FAM184B: variants seen among roughly 807,000 people sequenced by gnomAD.
FAM184B encodes the protein family with sequence similarity 184 member B.
FAM184B carries 111 observed loss-of-function variants against 135.9 expected under a neutral mutation model. The observed-to-expected ratio is 0.82, with a 90% CI of 0.70 to 0.96. FAM184B has a LOEUF of 0.96. FAM184B is among the 40% of genes least tolerant of loss of function. FAM184B has a pLI of 0.00. For missense variants in FAM184B, 1,375 were observed against 1,323.9 expected (o/e 1.04, Z -0.60); for synonymous variants, 552 against 524.8 (o/e 1.05, Z -0.71).
At chr4:17,739,703 C>A (rs960226179) in intron 1 of FAM184B, among the ~76,000 whole-genome samples, 1 of 151,618 alleles carries the variant, frequency 6.6e-6, no homozygotes, top group Admixed American at 6.6e-5. Flanking sequence ...TACAGGCACC[C>A]GCCATGATGT....
intron 5 of FAM184B, among the ~76,000 whole-genome samples, chr4:17,703,820 A>G (rs1286593790): frequency 6.6e-6 from 1 of 151,758 alleles, no homozygotes; most frequent in Non-Finnish European, 1.5e-5. Flanking sequence ...GGTCCCAGCT[A>G]CTTGGGAGGC....
In FAM184B at chr4:17,635,021, G is replaced by T; in HGVS notation, c.2877C>A (p.Thr959=). The change falls in exon 16 of 18, where the codon ACC becomes ACA. Residue 959 remains threonine, a synonymous_variant. Coordinates refer to ENST00000265018, the MANE Select transcript of FAM184B (RefSeq NM_015688.2). ...AGAACCAATTTACCTTCATGGAAGG[G>T]GTCAAATATCCCGGGTGAGGATTGA... ...FSFNPHPGYL[T]PSMKKKKVED... is the part of the protein sequence containing the mutation. 1 of 1,551,326 alleles carries T rather than the reference G, an allele frequency of 6.4e-7. No individual in the cohort carries two copies. Among genetic ancestry groups the T allele is most frequent in the South Asian group, 1.2e-5 (1 of 84,040 alleles).
At position 17,639,358 on chromosome 4, in the gene FAM184B, T is replaced by C. The variant is rs189838036; in HGVS notation, c.2558A>G (p.Glu853Gly). 2.2e-4 allele frequency: 342 copies of C among 1,551,688 alleles called. No individual in the cohort carries two copies. The highest frequency in any genetic ancestry group is 1.8e-3 in the African/African-American group (134 of 73,144). Residue 853 changes from glutamate to glycine, a missense_variant, in exon 14 of 18, where the codon GAG becomes GGG. By Grantham distance (98) the Glu-to-Gly change is moderately conservative (BLOSUM62 -2). Coordinates refer to ENST00000265018, the MANE Select transcript of FAM184B (RefSeq NM_015688.2). ...EETQQAQRAREVETLRQEHRK... is the reference protein window; with the variant it reads ...EETQQAQRARGVETLRQEHRK... ...GTGTTCCTGGCGCAGTGTCTCCACC[T>C]CCCTGGCCCGCTGGGCTTGCTGAGT...
intron 1 of FAM184B, among the ~76,000 whole-genome samples, chr4:17,722,720 A>G (rs1277594049): frequency 6.6e-6 from 1 of 152,160 alleles, no homozygotes; most frequent in African/African-American, 2.4e-5. Context: ...GAGTCTCCCC[A>G]CTGCATAAGA....
chr4:17,647,606 G>T, intron 12 of FAM184B, 31 bp downstream of exon 12: 1 of 1,539,504 alleles, frequency 6.5e-7, no homozygotes, highest in Non-Finnish European at 8.8e-7. Flanking sequence ...TCTGGGAGGG[G>T]TATTGCTGGT....
chr4:17,700,060 C>T (rs1716950516), intron 5 of FAM184B, among the ~76,000 whole-genome samples: 1 of 152,100 alleles, frequency 6.6e-6, no homozygotes, highest in Non-Finnish European at 1.5e-5. Context: ...CAAAAGAGAG[C>T]ATACCTAGTA....
chr4:17,747,565 G>T (rs1718193729), intron 1 of FAM184B, among the ~76,000 whole-genome samples: 1 of 152,082 alleles, frequency 6.6e-6, no homozygotes, highest in South Asian at 2.1e-4. Flanking sequence ...GCCGAGGTGG[G>T]TGAATCACTT....
intron 1 of FAM184B, among the ~76,000 whole-genome samples, chr4:17,780,059 G>T (rs749706118): frequency 6.6e-6 from 1 of 152,196 alleles, no homozygotes; most frequent in Non-Finnish European, 1.5e-5. Context: ...TTTGGAGACA[G>T]GCTCACGTGC....
At chr4:17,686,805 G>T (rs915607265) in intron 7 of FAM184B, among the ~76,000 whole-genome samples, 1 of 152,208 alleles carries the variant, frequency 6.6e-6, no homozygotes, top group African/African-American at 2.4e-5. Flanking sequence ...AGCTGGGCCT[G>T]GTGGCATGCA....
At chr4:17,703,915 C>T (rs1465137956) in intron 5 of FAM184B, among the ~76,000 whole-genome samples, 1 of 145,196 alleles carries the variant, frequency 6.9e-6, no homozygotes, top group Non-Finnish European at 1.5e-5. Flanking sequence ...TGGTGACAGA[C>T]CAAGACTCCG....
intron 12 of FAM184B, among the ~76,000 whole-genome samples, chr4:17,644,202 T>C (rs1461920247): frequency 6.6e-6 from 1 of 152,136 alleles, no homozygotes; most frequent in African/African-American, 2.4e-5. Context: ...TTTGGAGCTT[T>C]CTCCAATGGG....
chr4:17,720,239 T>C (rs1320549723), intron 1 of FAM184B, among the ~76,000 whole-genome samples: 1 of 152,200 alleles, frequency 6.6e-6, no homozygotes, highest in Non-Finnish European at 1.5e-5. Context: ...CCAATATCTC[T>C]ACTTGGATAT....
Position 17,636,570 on chromosome 4 carries a change from C to G in FAM184B, c.2742G>C (p.Gln914His). ...PEDLQLIGRLQTRLKEREDII... is the reference protein window; with the variant it reads ...PEDLQLIGRLHTRLKEREDII... ...TGTCCTCTCTCTCCTTCAGGCGGGT[C>G]TGCAGGCGGCCAATGAGCTGAAGGT... Residue 914 changes from glutamine to histidine, a missense_variant, in exon 15 of 18, where the codon CAG becomes CAC. Coordinates refer to ENST00000265018, the MANE Select transcript of FAM184B (RefSeq NM_015688.2). 1.3e-6 allele frequency: 2 copies of G among 1,551,194 alleles called. No individual in the cohort carries two copies. Among genetic ancestry groups the G allele is most frequent in the Non-Finnish European group, 1.7e-6 (2 of 1,146,958 alleles).
In FAM184B at chr4:17,642,163, T is replaced by A. The variant is rs1372038431; in HGVS notation, c.2412A>T (p.Gly804=). Residue 804 remains glycine, a synonymous_variant, in exon 13 of 18, where the codon GGA becomes GGT. Coordinates refer to ENST00000265018, the MANE Select transcript of FAM184B (RefSeq NM_015688.2). Reference sequence around the variant, plus strand: ...GCGCGTTCTCCTCCCAGAGCCCGCATCCCTCGCCGGAACCCTGCCCAGCAG... The same window carrying A: ...GCGCGTTCTCCTCCCAGAGCCCGCAACCCTCGCCGGAACCCTGCCCAGCAG... The part of the protein sequence containing the change: ...PGAAGQGSGE[G]CGLWEENAQL... 3 of 1,532,944 alleles carry A rather than the reference T, an allele frequency of 2.0e-6. No individual in the cohort carries two copies. The highest frequency in any genetic ancestry group is 2.5e-5 in the East Asian group (1 of 40,672). The allele number at this position is 1,532,944 out of a possible 1,614,324, so 95.0% of individuals were successfully genotyped here.
chr4:17,690,196 T>C (rs1246630494), intron 6 of FAM184B, among the ~76,000 whole-genome samples: 2 of 151,802 alleles, frequency 1.3e-5, no homozygotes, highest in Non-Finnish European at 2.9e-5. Context: ...CCCAGGGGCA[T>C]TCAAGCAGCT....
chr4:17,633,864 T>C lies in FAM184B; in HGVS notation c.2914A>G (p.Ser972Gly), dbSNP rs1464387513. Residue 972 changes from serine (S) to glycine (G), a missense_variant, in exon 17 of 18, where the codon AGC becomes GGC. Coordinates refer to ENST00000265018, the MANE Select transcript of FAM184B (RefSeq NM_015688.2). ...AGGTTCGGCACGCTGACCACGCGGC[T>C]GGGCACGTCCTCCACCTTCTTTTTC... ...MKKKKVEDVP[S>G]RVVSVPNLAS... 2.6e-6 allele frequency: 4 copies of C among 1,550,490 alleles called. No homozygotes were observed. Among genetic ancestry groups the C allele is most frequent in the Non-Finnish European group, 2.6e-6 (3 of 1,146,544 alleles).
intron 7 of FAM184B, among the ~76,000 whole-genome samples, chr4:17,671,896 G>T (rs575210846): frequency 2.0e-5 from 3 of 151,548 alleles, no homozygotes; most frequent in African/African-American, 7.3e-5. Flanking sequence ...TCAAGCAGAA[G>T]AAAGGATTAG....
chr4:17,713,455 C>CTCA, intron 1 of FAM184B, among the ~76,000 whole-genome samples: 1 of 152,218 alleles, frequency 6.6e-6, no homozygotes, highest in Non-Finnish European at 1.5e-5. Flanking sequence ...CTTCTAATGA[C>CTCA]TTCCATCCAA....
chr4:17,661,108 G>A (rs10939743), intron 8 of FAM184B, among the ~76,000 whole-genome samples: 78,072 of 151,978 alleles, frequency 0.51, 22,884 homozygotes, highest in East Asian at 0.83. Context: ...CACTCAATAC[G>A]GGAGAGAGTT....
Sources: allele counts gnomAD v4.1 joint callset (sites outside exome capture counted in the v4.1 genomes callset), GRCh38; gene constraint gnomAD v4.1.1; transcripts MANE v1.5; gene names NCBI Gene and HGNC (gene_info 2026-07-23, HGNC 2026-07-21).